The following STUM variants were observed in gnomAD, a reference collection of about 807,000 sequenced individuals.
STUM encodes the protein protein stum homolog.
Under a neutral mutation model 15.3 loss-of-function variants are expected in STUM, and 8 were observed. The observed-to-expected ratio is 0.52, with a 90% CI of 0.31 to 0.94. The LOEUF (loss-of-function observed/expected upper bound fraction) is 0.94. Ranked by LOEUF, STUM falls within the 40% of genes least tolerant of loss-of-function variation. The pLI is 0.05. For missense variants in STUM, 142 were observed against 204.9 expected (o/e 0.69, Z 1.87); for synonymous variants, 78 against 88.7 (o/e 0.88, Z 0.68).
Position 226,602,152 on chromosome 1 carries a change from T to C in STUM, c.*112T>C. On this transcript the variant is annotated 3_prime_UTR_variant, in exon 4 of 4. Transcript: ENST00000366788. ...TTTCTGCCATTTTCTGGACTGGGGG[T>C]GGAAAGGGGGTATTTTTAAAAATAT... 1.4e-6 allele frequency: 1 copy of C among 739,484 alleles called. No homozygotes were observed. Among genetic ancestry groups the C allele is most frequent in the Non-Finnish European group, 2.3e-6 (1 of 443,794 alleles). The allele number at this position is 739,484 out of a possible 1,614,324, so 45.8% of individuals were successfully genotyped here.
intron 1 of STUM, among the ~76,000 whole-genome samples, chr1:226,580,127 G>A (rs1667895614): frequency 1.5e-5 from 1 of 67,258 alleles, no homozygotes. Flanking sequence ...ACATTCAGAA[G>A]TAAAAAATGA....
In STUM at chr1:226,549,141, A is replaced by G; in HGVS notation, c.202+35A>G. The G allele has an allele frequency of 1.3e-6, 2 of 1,524,420 alleles. No individual in the cohort carries two copies. Among genetic ancestry groups the G allele is most frequent in the Middle Eastern group, 1.8e-4 (1 of 5,416 alleles). The allele number at this position is 1,524,420 out of a possible 1,614,324, so 94.4% of individuals were successfully genotyped here. On this transcript the variant is annotated intron_variant, in intron 1 of 3. Coordinates refer to ENST00000366788, the MANE Select transcript of STUM (RefSeq NM_001003665.4). The surrounding 1 kb of genome is among the most constrained non-coding windows in gnomAD (Gnocchi z 6.8). The stretch of plus-strand genomic sequence containing the variant: ...GGCTGCCGCGACCCTTGCGACCCCC[A>G]CCCCGCCGCGGGAGGGCGTGGGGGG...
intron 1 of STUM, among the ~76,000 whole-genome samples, chr1:226,594,894 G>A (rs1222682743): frequency 1.3e-5 from 2 of 152,210 alleles, no homozygotes; most frequent in Admixed American, 6.5e-5. Context: ...AACCTCAGGC[G>A]ATCTGCCCGC....
chr1:226,554,207 A>T (rs1268280694), intron 1 of STUM, among the ~76,000 whole-genome samples: 1 of 152,142 alleles, frequency 6.6e-6, no homozygotes, highest in African/African-American at 2.4e-5. Context: ...CAGATGGGGG[A>T]TGCCCTTCAA....
chr1:226,587,534 C>T (rs1190103804), intron 1 of STUM, among the ~76,000 whole-genome samples: 3 of 152,132 alleles, frequency 2.0e-5, no homozygotes. Context: ...ACCGTGTTCC[C>T]CTGACCCCCT....
chr1:226,580,246 C>G lies in STUM; in HGVS notation c.203-16556C>G, dbSNP rs570008969. ...TGTGGATCTCTGAGATGAGAAAGGG[C>G]CAGGCTTAGTGCAGGGACAGGTCAG... On this transcript the variant is annotated intron_variant, in intron 1 of 3. Coordinates refer to ENST00000366788, the MANE Select transcript of STUM (RefSeq NM_001003665.4). 7.3e-5 allele frequency among the ~76,000 whole-genome samples: 11 copies of G among 150,060 alleles called. No individual in the cohort carries two copies. The South Asian group carries it at 1.9e-3, about 26-fold the overall frequency.
chr1:226,597,893 G>C lies in STUM; in HGVS notation c.382+912G>C, dbSNP rs186961516. Among the ~76,000 whole-genome samples, 138 of 152,340 alleles carry C rather than the reference G, an allele frequency of 9.1e-4. 1 individual carries two copies. Among genetic ancestry groups the C allele is most frequent in the African/African-American group, 3.2e-3 (135 of 41,574 alleles). ...AATCAGAGCAAACCAGGCAGATGCT[G>C]GCTACTGGGGCAGCCAGAGCAGGGG... On this transcript the variant is annotated intron_variant, in intron 2 of 3. Coordinates refer to ENST00000366788, the MANE Select transcript of STUM (RefSeq NM_001003665.4).
At chr1:226,601,561 C>T (rs534569048) in intron 3 of STUM, among the ~76,000 whole-genome samples, 12 of 152,170 alleles carry the variant, frequency 7.9e-5, no homozygotes, top group Non-Finnish European at 1.6e-4. Flanking sequence ...AGGTTGGACG[C>T]ACACAGGGAT....
Position 226,602,035 on chromosome 1 carries a change from CTG to C in STUM, c.424_425del (p.Ter142SerfsTer14). 2 of 1,607,708 alleles carry C rather than the reference CTG, an allele frequency of 1.2e-6. No individual in the cohort carries two copies. Among genetic ancestry groups the C allele is most frequent in the Non-Finnish European group, 1.7e-6 (2 of 1,179,790 alleles). ...CAAGGAGCAGGGCATCCCACAGCAG[CTG>C]TGAGCCCACGGGAGCCGCTGGGGAG... ...GYKEQGIPQQL is the reference protein window; with the variant it reads ...GYKEQGIPQQX On this transcript the variant is annotated frameshift_variant, in exon 4 of 4. Transcript: ENST00000366788. LOFTEE classifies it high-confidence loss of function.
At chr1:226,582,010 T>C (rs1257104332) in intron 1 of STUM, among the ~76,000 whole-genome samples, 1 of 152,248 alleles carries the variant, frequency 6.6e-6, no homozygotes, top group Non-Finnish European at 1.5e-5. Context: ...CTCATTGACA[T>C]GTCTGGCCCT....
At chr1:226,598,319 G>A (rs1417697586) in intron 2 of STUM, among the ~76,000 whole-genome samples, 1 of 152,162 alleles carries the variant, frequency 6.6e-6, no homozygotes, top group Admixed American at 6.5e-5. Context: ...TCAGAAGGTT[G>A]AAGGCTGCCC....
intron 1 of STUM, among the ~76,000 whole-genome samples, chr1:226,550,855 C>T (rs1309942559): frequency 6.6e-6 from 1 of 152,196 alleles, no homozygotes; most frequent in Non-Finnish European, 1.5e-5. Flanking sequence ...CCGTCCATTC[C>T]GCTGACCCCT....
intron 1 of STUM, among the ~76,000 whole-genome samples, chr1:226,583,302 G>A (rs995235148): frequency 6.6e-6 from 1 of 152,200 alleles, no homozygotes; most frequent in Non-Finnish European, 1.5e-5. Context: ...ATCTGCTGCC[G>A]TTGGTTAATG....
In STUM at chr1:226,607,665, G is replaced by T. The variant is rs1283344739; in HGVS notation, c.*5625G>T. On this transcript the variant is annotated 3_prime_UTR_variant, in exon 4 of 4. Coordinates refer to ENST00000366788, the MANE Select transcript of STUM (RefSeq NM_001003665.4). ...TGATGCTACCGCAGAGGGCAGAAAGGTGCCCTGTAGCGTCCACCATGTGTG... is the reference window on the plus strand; with the variant it reads ...TGATGCTACCGCAGAGGGCAGAAAGTTGCCCTGTAGCGTCCACCATGTGTG... 1 of 152,210 alleles carries T rather than the reference G, an allele frequency of 6.6e-6. No individual in the cohort carries two copies. Among genetic ancestry groups the T allele is most frequent in the East Asian group, 1.9e-4 (1 of 5,182 alleles). The allele number at this position is 152,210 out of a possible 1,614,324, so 9.4% of individuals were successfully genotyped here.
chr1:226,601,969 G>T, intron 3 of STUM, 37 bp from the exon 4 acceptor site: 3 of 1,600,336 alleles, frequency 1.9e-6, no homozygotes, highest in South Asian at 2.2e-5. Context: ...GAAGTAAGCA[G>T]GTGTCTAACC....
At chr1:226,564,744 A>G (rs1237694300) in intron 1 of STUM, among the ~76,000 whole-genome samples, 1 of 152,176 alleles carries the variant, frequency 6.6e-6, no homozygotes, top group African/African-American at 2.4e-5. Context: ...GAGCTGGGAA[A>G]CGTGCCCCTT....
At chr1:226,582,886 G>T (rs1255025822) in intron 1 of STUM, among the ~76,000 whole-genome samples, 1 of 152,214 alleles carries the variant, frequency 6.6e-6, no homozygotes, top group African/African-American at 2.4e-5. Flanking sequence ...AGCTTTTGCT[G>T]CATGACAAAC....
In STUM at chr1:226,549,893, C is replaced by T. The variant is rs1050036420; in HGVS notation, c.202+787C>T. Among the ~76,000 whole-genome samples, 2 of 152,032 alleles carry T rather than the reference C, an allele frequency of 1.3e-5. No individual in the cohort carries two copies. Among genetic ancestry groups the T allele is most frequent in the African/African-American group, 4.8e-5 (2 of 41,432 alleles). ...ATGTCCCACGTTTTAAAGCAGAGGC[C>T]CCTTACAGAGATGGTGCAGGAGGGT... On this transcript the variant is annotated intron_variant, in intron 1 of 3. Transcript: ENST00000366788. This position sits in a 1 kb window ranked among gnomAD's most constrained non-coding sequence, Gnocchi z 6.8.
chr1:226,595,305 C>T (rs1308409370), intron 1 of STUM, among the ~76,000 whole-genome samples: 1 of 152,134 alleles, frequency 6.6e-6, no homozygotes, highest in East Asian at 1.9e-4. Context: ...TCCTGCTAGG[C>T]CCCCGACCAA....
Sources: gnomAD v4.1 joint callset for allele counts (sites outside exome capture counted in the v4.1 genomes callset) on GRCh38, gnomAD v4.1.1 for gene constraint, Gnocchi (gnomAD v3.1) non-coding constraint, MANE v1.5 for transcripts, NCBI Gene and HGNC (gene_info 2026-07-23, HGNC 2026-07-21) for gene names.